CAMK2D: variants seen among roughly 807,000 people sequenced by gnomAD.
CAMK2D encodes the protein calcium/calmodulin-dependent protein kinase type II subunit delta.
A neutral mutation model predicts 84.0 loss-of-function variants in CAMK2D; 37 were observed. The observed-to-expected ratio is 0.44, with a 90% CI of 0.34 to 0.58. The LOEUF is 0.58. Ranked by LOEUF, CAMK2D falls within the 20% of genes least tolerant of loss-of-function variation. CAMK2D has a pLI of 0.02. For missense variants in CAMK2D, 448 were observed against 652.5 expected, an observed-to-expected ratio of 0.69 and a Z score of 3.41; for synonymous variants, 202 against 212.5, an observed-to-expected ratio of 0.95 and a Z score of 0.43.
At chr4:113,684,545 G>A (rs1395242787) in intron 2 of CAMK2D, among the ~76,000 whole-genome samples, 3 of 152,152 alleles carry the variant, frequency 2.0e-5, no homozygotes, top group African/African-American at 7.2e-5. Flanking sequence ...CAGAGGACTT[G>A]CTCAGAACAA....
At chr4:113,625,965 G>A (rs2099066390) in intron 3 of CAMK2D, among the ~76,000 whole-genome samples, 1 of 151,290 alleles carries the variant, frequency 6.6e-6, no homozygotes, top group African/African-American at 2.4e-5. Context: ...AGTGAGCCAA[G>A]ATTGCACCAC....
At chr4:113,733,117 T>G (rs1227000590) in intron 2 of CAMK2D, among the ~76,000 whole-genome samples, 1 of 152,172 alleles carries the variant, frequency 6.6e-6, no homozygotes, top group Non-Finnish European at 1.5e-5. Flanking sequence ...GTGAGAGTTG[T>G]ATGTGCAGAG....
At chr4:113,486,150 A>C (rs2097763968) in intron 16 of CAMK2D, among the ~76,000 whole-genome samples, 1 of 151,780 alleles carries the variant, frequency 6.6e-6, no homozygotes, top group South Asian at 2.1e-4. Flanking sequence ...TTTAAGAGAC[A>C]GAGTCTAGCT....
chr4:113,615,389 C>T (rs2099017074), intron 3 of CAMK2D, among the ~76,000 whole-genome samples: 1 of 152,078 alleles, frequency 6.6e-6, no homozygotes, highest in African/African-American at 2.4e-5. Context: ...ATTACACTCT[C>T]TGGAGAGAAA....
chr4:113,523,842 T>A (rs6533697), intron 8 of CAMK2D, among the ~76,000 whole-genome samples: 53,942 of 121,520 alleles, frequency 0.44, 9,950 homozygotes, highest in African/African-American at 0.62. Flanking sequence ...AAAACAGATC[T>A]TTTTTTTTGT....
At chr4:113,483,725 A>G (rs1305667433) in intron 16 of CAMK2D, among the ~76,000 whole-genome samples, 1 of 152,008 alleles carries the variant, frequency 6.6e-6, no homozygotes, top group Non-Finnish European at 1.5e-5. Flanking sequence ...TTTTTAATGC[A>G]CATATTATTT....
intron 3 of CAMK2D, among the ~76,000 whole-genome samples, chr4:113,617,506 G>A (rs560136751): frequency 6.6e-6 from 1 of 151,958 alleles, no homozygotes; most frequent in African/African-American, 2.4e-5. Flanking sequence ...ATCTGTCGTG[G>A]TCTATCTTAC....
chr4:113,488,648 A>G (rs1400277087), intron 16 of CAMK2D, among the ~76,000 whole-genome samples: 1 of 152,218 alleles, frequency 6.6e-6, no homozygotes, highest in Non-Finnish European at 1.5e-5. Flanking sequence ...GAGTTTATGT[A>G]GTTTTTTATA....
At chr4:113,579,174 A>G (rs1262949147) in intron 4 of CAMK2D, among the ~76,000 whole-genome samples, 1 of 152,190 alleles carries the variant, frequency 6.6e-6, no homozygotes, top group Non-Finnish European at 1.5e-5. Context: ...ATGCAGAGGA[A>G]TTTTTCTGTA....
At chr4:113,734,696 T>C (rs1562122490) in intron 2 of CAMK2D, among the ~76,000 whole-genome samples, 2 of 152,160 alleles carry the variant, frequency 1.3e-5, no homozygotes, top group Non-Finnish European at 2.9e-5. Flanking sequence ...AACACTTTCA[T>C]AATCAAGATA....
chr4:113,464,515 A>G (rs1308181703), intron 17 of CAMK2D, among the ~76,000 whole-genome samples: 1 of 152,108 alleles, frequency 6.6e-6, no homozygotes, highest in Non-Finnish European at 1.5e-5. Flanking sequence ...ATCAGATTCA[A>G]TCTCCGTTTT....
At chr4:113,637,628 T>C (rs1352462402) in intron 3 of CAMK2D, among the ~76,000 whole-genome samples, 1 of 152,146 alleles carries the variant, frequency 6.6e-6, no homozygotes, top group African/African-American at 2.4e-5. Flanking sequence ...AAGAAAACAG[T>C]AATCCAACTA....
chr4:113,637,355 T>C (rs567288198), intron 3 of CAMK2D, among the ~76,000 whole-genome samples: 2 of 152,350 alleles, frequency 1.3e-5, no homozygotes, highest in Admixed American at 1.3e-4. Context: ...AAAATAGTTC[T>C]ATATTCAAAA....
At chr4:113,517,018 T>A (rs965356371) in intron 9 of CAMK2D, among the ~76,000 whole-genome samples, 3 of 151,684 alleles carry the variant, frequency 2.0e-5, no homozygotes, top group African/African-American at 7.2e-5. Context: ...ATTCTAATTA[T>A]AAATTAAATA....
intron 4 of CAMK2D, among the ~76,000 whole-genome samples, chr4:113,601,731 T>C (rs2098954128): frequency 6.7e-6 from 1 of 148,896 alleles, no homozygotes; most frequent in Non-Finnish European, 1.5e-5. Flanking sequence ...GTCAGGTTCT[T>C]GCTCTGTCAC....
intron 2 of CAMK2D, among the ~76,000 whole-genome samples, chr4:113,696,659 G>A (rs764830): frequency 0.71 from 107,276 of 151,990 alleles, 38,734 homozygotes; most frequent in African/African-American, 0.85. Flanking sequence ...CACAGAAGCC[G>A]CACAGTAATA....
chr4:113,542,666 G>C (rs551778869), intron 6 of CAMK2D, among the ~76,000 whole-genome samples: 7 of 150,828 alleles, frequency 4.6e-5, no homozygotes, highest in African/African-American at 1.7e-4. Flanking sequence ...AGTGAGCTGA[G>C]ATCGCGCCAC....
intron 16 of CAMK2D, among the ~76,000 whole-genome samples, chr4:113,477,215 A>G (rs2097639411): frequency 6.6e-6 from 1 of 152,308 alleles, no homozygotes; most frequent in South Asian, 2.1e-4. Context: ...ATTTGAAAGC[A>G]ATGATAAGAC....
chr4:113,494,724 C>T (rs960954057), intron 16 of CAMK2D, among the ~76,000 whole-genome samples: 8 of 151,990 alleles, frequency 5.3e-5, no homozygotes, highest in East Asian at 1.9e-4. Flanking sequence ...CAATGGCGGG[C>T]GCCCCTCCCC....
Sources: gnomAD v4.1 joint callset for allele counts (sites outside exome capture counted in the v4.1 genomes callset) on GRCh38, gnomAD v4.1.1 for gene constraint, MANE v1.5 for transcripts, NCBI Gene and HGNC (gene_info 2026-07-23, HGNC 2026-07-21) for gene names.